The following NHS variants were observed in gnomAD, a reference collection of about 807,000 sequenced individuals.
NHS encodes the protein NHS actin remodeling regulator, also known as actin remodeling regulator NHS.
Under a neutral mutation model 72.5 loss-of-function variants are expected in NHS, and 5 were observed. That is an observed-to-expected ratio of 0.07 (90% CI 0.04 to 0.14). The LOEUF (loss-of-function observed/expected upper bound fraction) is 0.14. Ranked by LOEUF, NHS falls within the 10% of genes least tolerant of loss-of-function variation. NHS has a pLI of 1.00. For missense variants in NHS, 1,072 were observed against 1,355.7 expected (o/e 0.79, Z 3.29); for synonymous variants, 464 against 547.7 (o/e 0.85, Z 2.13).
At chrX:17,633,761 T>C (rs1569297403) in intron 1 of NHS, among the ~76,000 whole-genome samples, 1 of 112,008 alleles carries the variant, frequency 8.9e-6, no homozygotes. Context: ...GAGAGGGAGA[T>C]TAACCTTTTA....
chrX:17,594,412 G>T (rs1014976269), intron 1 of NHS, among the ~76,000 whole-genome samples: 6 of 111,445 alleles, frequency 5.4e-5, no homozygotes, highest in African/African-American at 2.0e-4. Context: ...GGTGAGGGAG[G>T]GCATGGATCA....
chrX:17,545,710 A>G (rs137993642), intron 1 of NHS, among the ~76,000 whole-genome samples: 16 of 111,979 alleles, frequency 1.4e-4, no homozygotes, highest in Non-Finnish European at 2.6e-4. Context: ...TGCTGTAGGA[A>G]TGAGGCATTT....
chrX:17,619,565 T>C (rs1487548873), intron 1 of NHS, among the ~76,000 whole-genome samples: 1 of 112,159 alleles, frequency 8.9e-6, no homozygotes, highest in Non-Finnish European at 1.9e-5. Context: ...CAATGAGCCA[T>C]GTGGCTCTTT....
chrX:17,474,158 A>G (rs186215355), intron 1 of NHS, among the ~76,000 whole-genome samples: 1,153 of 111,450 alleles, frequency 0.01, 15 homozygotes, highest in African/African-American at 0.035. Flanking sequence ...CATTTGGTGG[A>G]TAAGGCTAGC....
At chrX:17,399,484 T>C (rs1011769542) in intron 1 of NHS, among the ~76,000 whole-genome samples, 12 of 111,816 alleles carry the variant, frequency 1.1e-4, no homozygotes, top group Non-Finnish European at 2.1e-4. Context: ...CCTAAGAACA[T>C]TCCTGCTTTA....
At chrX:17,665,774 T>A (rs1000720153) in intron 1 of NHS, among the ~76,000 whole-genome samples, 1 of 112,387 alleles carries the variant, frequency 8.9e-6, no homozygotes, top group African/African-American at 3.2e-5. Context: ...AATTCACTGG[T>A]GAAGCCATCT....
intron 1 of NHS, among the ~76,000 whole-genome samples, chrX:17,568,182 T>C (rs2065455127): frequency 8.9e-6 from 1 of 112,264 alleles, no homozygotes; most frequent in Middle Eastern, 4.6e-3. Flanking sequence ...CATGGACTTG[T>C]TGCTGGGCAC....
intron 1 of NHS, among the ~76,000 whole-genome samples, chrX:17,644,798 G>A (rs989906509): frequency 1.8e-5 from 2 of 110,893 alleles, no homozygotes; most frequent in African/African-American, 6.6e-5. Flanking sequence ...CAATCATTGA[G>A]TAAAGCTAGT....
chrX:17,635,199 A>G lies in NHS; in HGVS notation c.566-52543A>G, dbSNP rs2065839528. 3 of 646,280 alleles carry G rather than the reference A, an allele frequency of 4.6e-6. 1 individual carries two copies. The East Asian group carries it at 2.4e-4, about 51-fold the overall frequency. The allele number at this position is 646,280 out of a possible 1,213,427, so 53.3% of individuals were successfully genotyped here. Reference sequence around the variant, plus strand: ...AATTGGAGTAGCAAGGCTGTAAAGAAGTCCCACTGCAACCTAAACTGCTCC... The same window carrying G: ...AATTGGAGTAGCAAGGCTGTAAAGAGGTCCCACTGCAACCTAAACTGCTCC... On this transcript the variant is annotated intron_variant, in intron 1 of 8. Transcript: ENST00000676302.
intron 3 of NHS, among the ~76,000 whole-genome samples, chrX:17,714,812 C>G (rs778595440): frequency 1.8e-4 from 20 of 112,009 alleles, no homozygotes; most frequent in Middle Eastern, 4.6e-3. Flanking sequence ...CATCAGCACC[C>G]ATTAAGGCGT....
Position 17,412,217 on chromosome X carries a change from A to G in NHS, c.565+35895A>G, listed in dbSNP as rs998817138. On this transcript the variant is annotated intron_variant, in intron 1 of 8. Coordinates refer to ENST00000676302, the MANE Select transcript of NHS (RefSeq NM_001291867.2). Reference sequence around the variant, plus strand: ...TAAATAATGTATTCTTTTATAATATATATTATATATTAAGATAATATATAT... The same window carrying G: ...TAAATAATGTATTCTTTTATAATATGTATTATATATTAAGATAATATATAT... Among the ~76,000 whole-genome samples, 44 of 108,856 alleles carry G rather than the reference A, an allele frequency of 4.0e-4. 1 individual carries two copies. The highest frequency in any genetic ancestry group is 6.5e-4 in the Non-Finnish European group (34 of 52,601). 94.5% of individuals were successfully genotyped at this position (108,856 alleles called of 115,157 possible).
chrX:17,709,887 G>C (rs1333107975), intron 3 of NHS, among the ~76,000 whole-genome samples: 1 of 111,452 alleles, frequency 9.0e-6, no homozygotes, highest in Non-Finnish European at 1.9e-5. Context: ...ATCTAGAAAG[G>C]GGTACTGGAC....
At chrX:17,494,076 C>CTTTTTT (rs749475125) in intron 1 of NHS, among the ~76,000 whole-genome samples, 3 of 73,319 alleles carry the variant, frequency 4.1e-5, no homozygotes, top group East Asian at 4.6e-4. Flanking sequence ...TCCTGGATGA[C>CTTTTTT]TTTTTTTTTT....
At chrX:17,639,013 A>G (rs1233579071) in intron 1 of NHS, among the ~76,000 whole-genome samples, 2 of 111,948 alleles carry the variant, frequency 1.8e-5, no homozygotes, top group East Asian at 5.6e-4. Flanking sequence ...AAGGCAATCC[A>G]GGAAAAAACT....
chrX:17,469,889 C>T (rs917470901), intron 1 of NHS, among the ~76,000 whole-genome samples: 6 of 111,932 alleles, frequency 5.4e-5, no homozygotes, highest in Admixed American at 2.8e-4. Context: ...GTGATTGGCC[C>T]GCCTTGGCTT....
intron 1 of NHS, among the ~76,000 whole-genome samples, chrX:17,634,352 G>A (rs1601809555): frequency 8.9e-6 from 1 of 112,256 alleles, no homozygotes; most frequent in African/African-American, 3.2e-5. Flanking sequence ...TCTGGCAGAT[G>A]AGAAAAAAGC....
At chrX:17,385,288 A>G (rs1208178770) in intron 1 of NHS, among the ~76,000 whole-genome samples, 3 of 111,608 alleles carry the variant, frequency 2.7e-5, no homozygotes, top group Admixed American at 9.5e-5. Context: ...CCAAGGTGGG[A>G]GGATTGCTTG....
chrX:17,624,742 A>G (rs924939103), intron 1 of NHS, among the ~76,000 whole-genome samples: 1 of 113,003 alleles, frequency 8.8e-6, no homozygotes, highest in African/African-American at 3.2e-5. Context: ...CACTAATAGT[A>G]CTGCAGCATG....
chrX:17,568,788 G>C (rs1428312711), intron 1 of NHS, among the ~76,000 whole-genome samples: 2 of 108,515 alleles, frequency 1.8e-5, no homozygotes, highest in Non-Finnish European at 3.8e-5. Flanking sequence ...CCTACATTAG[G>C]TATTTCTCCT....
Sources: gnomAD v4.1 joint callset for allele counts (sites outside exome capture counted in the v4.1 genomes callset) on GRCh38, gnomAD v4.1.1 for gene constraint, MANE v1.5 for transcripts, NCBI Gene and HGNC (gene_info 2026-07-23, HGNC 2026-07-21) for gene names.